TNRC6B: variants seen among roughly 807,000 people sequenced by gnomAD.
TNRC6B encodes trinucleotide repeat-containing gene 6B protein.
In TNRC6B, 52 loss-of-function variants were observed where a neutral mutation model predicts 203.6. That is an observed-to-expected ratio of 0.26 (90% confidence interval 0.20 to 0.32). The LOEUF (loss-of-function observed/expected upper bound fraction) is 0.32, where lower values mean the gene tolerates loss of function less well. Among genes scored for constraint, TNRC6B ranks in the 10% least tolerant of loss-of-function variants. The probability of loss-of-function intolerance (pLI) is 1.00; values close to 1 mark genes in which losing one functional copy is unlikely to be tolerated. For missense variants in TNRC6B, 1,923 were observed against 2,286.2 expected, an observed-to-expected ratio of 0.84 and a Z score of 3.24; for synonymous variants, 838 against 845.7, an observed-to-expected ratio of 0.99 and a Z score of 0.16.
upstream of TNRC6B, among the ~76,000 whole-genome samples, chr22:40,173,373 T>C (rs1440408615): frequency 6.6e-6 from 1 of 151,732 alleles, no homozygotes; most frequent in Non-Finnish European, 1.5e-5. Context: ...ATTACAGGTG[T>C]GAGCCATCAC....
intron 1 of TNRC6B, among the ~76,000 whole-genome samples, chr22:40,210,604 C>G (rs975186379): frequency 2.6e-5 from 4 of 152,184 alleles, no homozygotes; most frequent in African/African-American, 9.7e-5. Flanking sequence ...AATCTAAACT[C>G]ATTTACACTA....
In TNRC6B at chr22:40,310,959, CG is replaced by C; in HGVS notation, c.4403del (p.Gly1468GlufsTer48). On this transcript the variant is annotated frameshift_variant, in exon 17 of 23. Coordinates refer to ENST00000454349, the MANE Select transcript of TNRC6B (RefSeq NM_001162501.2). LOFTEE classifies it high-confidence loss of function. ...CCAAATCTCCACCAACAAATAAAAT[CG>C]GAAGTAAATCCAGCAATGCCAGTTG... is the stretch of plus-strand genomic sequence containing the variant. ...PAKSPPTNKI[G>X]SKSSNASWPP... 6.2e-7 allele frequency: 1 copy of C among 1,609,478 alleles called. No homozygotes were observed. Among genetic ancestry groups the C allele is most frequent in the Non-Finnish European group, 8.5e-7 (1 of 1,178,544 alleles).
intron 17 of TNRC6B, among the ~76,000 whole-genome samples, chr22:40,311,794 C>T (rs2071187573): frequency 6.6e-6 from 1 of 152,242 alleles, no homozygotes; most frequent in South Asian, 2.1e-4. Flanking sequence ...CTGCCCGCCT[C>T]GGCCTCCCAA....
At chr22:40,201,157 T>C (rs1237052078) in intron 1 of TNRC6B, among the ~76,000 whole-genome samples, 1 of 152,174 alleles carries the variant, frequency 6.6e-6, no homozygotes, top group Non-Finnish European at 1.5e-5. Flanking sequence ...AATCTAAAAA[T>C]TGCCTTGTAT....
intron 16 of TNRC6B, 106 bp from the exon 17 acceptor site, chr22:40,310,711 T>C (rs2071165529): frequency 1.7e-6 from 2 of 1,159,040 alleles, no homozygotes; most frequent in Non-Finnish European, 1.2e-6. Flanking sequence ...TGTTTGTATA[T>C]ACTCCATCAG....
At chr22:40,081,041 G>T (rs2068059831) in intron 1 of TNRC6B, among the ~76,000 whole-genome samples, 1 of 151,584 alleles carries the variant, frequency 6.6e-6, no homozygotes, top group South Asian at 2.1e-4. Context: ...TTTTTAGTGT[G>T]TGGGGGGGTG....
chr22:40,330,155 G>A lies in TNRC6B; in HGVS notation c.*6914G>A, dbSNP rs1374102057. 6.6e-6 allele frequency: 1 copy of A among 152,124 alleles called. No individual in the cohort carries two copies. Among genetic ancestry groups the A allele is most frequent in the African/African-American group, 2.4e-5 (1 of 41,404 alleles). The allele number at this position is 152,124 out of a possible 1,614,324, so 9.4% of individuals were successfully genotyped here. On this transcript the variant is annotated 3_prime_UTR_variant, in exon 23 of 23. Coordinates refer to ENST00000454349, the MANE Select transcript of TNRC6B (RefSeq NM_001162501.2). ...CCCAATTATAATTGACCCATATCTA[G>A]CCAATATCAACAAGTTGGGATGGTT...
intron 4 of TNRC6B, among the ~76,000 whole-genome samples, chr22:40,166,678 C>T (rs1426189590): frequency 2.6e-5 from 4 of 151,922 alleles, no homozygotes; most frequent in African/African-American, 9.7e-5. Flanking sequence ...GGGCAGATCA[C>T]GAGGTCAGGA....
At chr22:40,322,385 A>G (rs962963794) in intron 22 of TNRC6B, among the ~76,000 whole-genome samples, 2 of 152,190 alleles carry the variant, frequency 1.3e-5, no homozygotes, top group Non-Finnish European at 2.9e-5. Flanking sequence ...TGTAGTTTAC[A>G]TTAGAGTTCA....
intron 21 of TNRC6B, 77 bp from the exon 22 acceptor site, chr22:40,321,013 A>G: frequency 1.9e-6 from 3 of 1,555,624 alleles, no homozygotes; most frequent in Middle Eastern, 1.7e-4. Context: ...GGTCTCAGCC[A>G]GTGCTTTGAA....
rs189416188 is a variant in TNRC6B at position 40,287,188 on chromosome 22, G to A, written c.3708+1418G>A. Among the ~76,000 whole-genome samples, 27 of 151,904 alleles carry A rather than the reference G, an allele frequency of 1.8e-4. 1 individual carries two copies. Among genetic ancestry groups the A allele is most frequent in the Admixed American group, 1.4e-3 (22 of 15,236 alleles). On this transcript the variant is annotated intron_variant, in intron 12 of 22. Coordinates refer to ENST00000454349, the MANE Select transcript of TNRC6B (RefSeq NM_001162501.2). ...CCAAGCTTGGCTGGTTTTAAGTATT[G>A]TGTAGAGGTGGAGTCATGCTATGTT...
intron 1 of TNRC6B, among the ~76,000 whole-genome samples, chr22:40,190,224 T>G (rs530852257): frequency 1.2e-4 from 19 of 152,342 alleles, no homozygotes; most frequent in African/African-American, 4.1e-4. Context: ...AAAAAATTAC[T>G]TTGTTCCATC....
intron 1 of TNRC6B, among the ~76,000 whole-genome samples, chr22:40,089,507 A>G (rs1158998517): frequency 1.3e-5 from 2 of 152,180 alleles, no homozygotes; most frequent in Non-Finnish European, 1.5e-5. Flanking sequence ...TGCTGGGATT[A>G]CAGGCGTGAG....
At chr22:40,258,372 A>G (rs1282531221) in intron 3 of TNRC6B, among the ~76,000 whole-genome samples, 1 of 152,096 alleles carries the variant, frequency 6.6e-6, no homozygotes, top group African/African-American at 2.4e-5. Flanking sequence ...TTAAGTTTGG[A>G]CTTTGGGAGT....
At chr22:40,122,356 C>T (rs1419833271) in intron 2 of TNRC6B, among the ~76,000 whole-genome samples, 1 of 152,014 alleles carries the variant, frequency 6.6e-6, no homozygotes, top group African/African-American at 2.4e-5. Context: ...GGCAGAGGGG[C>T]CGGGCTTAAA....
chr22:40,123,614 G>A (rs1217543966), intron 2 of TNRC6B, among the ~76,000 whole-genome samples: 3 of 152,200 alleles, frequency 2.0e-5, no homozygotes, highest in African/African-American at 4.8e-5. Context: ...AATGGAGCGT[G>A]GGTCTGGAGG....
intron 1 of TNRC6B, among the ~76,000 whole-genome samples, chr22:40,186,599 G>A (rs752523630): frequency 6.6e-6 from 1 of 151,714 alleles, no homozygotes; most frequent in Non-Finnish European, 1.5e-5. Flanking sequence ...TTAGCCGGGC[G>A]TGGTGGCGGA....
intron 1 of TNRC6B, among the ~76,000 whole-genome samples, chr22:40,234,637 A>C (rs1313745577): frequency 6.6e-6 from 1 of 152,236 alleles, no homozygotes. Flanking sequence ...ACCAACATAT[A>C]AAAGTGTTAC....
intron 3 of TNRC6B, among the ~76,000 whole-genome samples, chr22:40,149,834 T>C (rs559135629): frequency 1.2e-4 from 18 of 152,242 alleles, no homozygotes; most frequent in African/African-American, 4.1e-4. Context: ...GGTCTCACTT[T>C]GTCACCCAGG....
Sources: allele counts gnomAD v4.1 joint callset (sites outside exome capture counted in the v4.1 genomes callset), GRCh38; gene constraint gnomAD v4.1.1; transcripts MANE v1.5; gene names NCBI Gene and HGNC (gene_info 2026-07-23, HGNC 2026-07-21).